Variants in CPED1 observed in about 807,000 individuals in gnomAD.
CPED1 encodes the protein cadherin-like and PC-esterase domain-containing protein 1.
In CPED1, 114 loss-of-function variants were observed where a neutral mutation model predicts 128.2. The observed-to-expected ratio is 0.89, with a 90% confidence interval of 0.76 to 1.04. The LOEUF (loss-of-function observed/expected upper bound fraction) is 1.04. CPED1 is among the 50% of genes least tolerant of loss of function. The pLI is 0.00. For synonymous variants in CPED1, 462 were observed against 426.7 expected, an observed-to-expected ratio of 1.08 and a Z score of -1.02; for missense variants, 1,211 against 1,207.1, an observed-to-expected ratio of 1.00 and a Z score of -0.05.
intron 16 of CPED1, among the ~76,000 whole-genome samples, chr7:121,228,386 A>G (rs1798063636): frequency 6.6e-6 from 1 of 152,030 alleles, no homozygotes; most frequent in Non-Finnish European, 1.5e-5. Context: ...ACATGAAAAA[A>G]TGCTCGATAT....
intron 4 of CPED1, among the ~76,000 whole-genome samples, chr7:121,053,414 AGGTTATGAAACT>A (rs1266091375): frequency 6.6e-6 from 1 of 152,128 alleles, no homozygotes; most frequent in African/African-American, 2.4e-5. Flanking sequence ...TTTCTTCATA[AGGTTATGAAACT>A]TTGGCAAGAA....
Position 121,141,971 on chromosome 7 carries a change from A to T in CPED1, c.1887-2A>T. 6.2e-7 allele frequency: 1 copy of T among 1,611,196 alleles called. No homozygotes were observed. Among genetic ancestry groups the T allele is most frequent in the Non-Finnish European group, 8.5e-7 (1 of 1,178,024 alleles). ...TATTTCTCTCTCCCTCTTTCTCTCC[A>T]GCTTTGCCAGCTACCCTCTGGGCTT... On this transcript the variant is annotated splice_acceptor_variant, in intron 15 of 22. Transcript: ENST00000310396. LOFTEE classifies it high-confidence loss of function.
intron 7 of CPED1, among the ~76,000 whole-genome samples, chr7:121,123,798 T>A (rs1795441889): frequency 6.6e-6 from 1 of 152,210 alleles, no homozygotes; most frequent in African/African-American, 2.4e-5. Flanking sequence ...CACAGAATAA[T>A]GGCATGAGGA....
chr7:121,204,622 A>G (rs1797475353), intron 16 of CPED1, among the ~76,000 whole-genome samples: 1 of 152,168 alleles, frequency 6.6e-6, no homozygotes, highest in Non-Finnish European at 1.5e-5. Flanking sequence ...AGGACTGGTC[A>G]GTAGCCCCAA....
intron 16 of CPED1, among the ~76,000 whole-genome samples, chr7:121,145,208 T>C (rs1795997065): frequency 6.6e-6 from 1 of 151,992 alleles, no homozygotes; most frequent in South Asian, 2.1e-4. Flanking sequence ...AAAAGATTGG[T>C]GGGAAAGTTA....
At position 121,019,255 on chromosome 7, in the gene CPED1, A is replaced by G. The variant is rs557159200; in HGVS notation, c.433+3407A>G. On this transcript the variant is annotated intron_variant, in intron 3 of 22. Transcript: ENST00000310396. Reference sequence around the variant, plus strand: ...GGAGAGATTTTAGGGCTATGAACATATGACTTACGCAAGTTAAGTTCTCTG... The same window carrying G: ...GGAGAGATTTTAGGGCTATGAACATGTGACTTACGCAAGTTAAGTTCTCTG... Among the ~76,000 whole-genome samples, 3 of 152,182 alleles carry G rather than the reference A, an allele frequency of 2.0e-5. No homozygotes were observed. The East Asian group carries it at 5.8e-4, about 29-fold the overall frequency.
At chr7:121,061,026 C>G (rs1793655048) in intron 4 of CPED1, 1 of 152,150 alleles carries the variant, frequency 6.6e-6, no homozygotes, top group African/African-American at 2.4e-5. Flanking sequence ...CACTCCTGAG[C>G]CAGCGAGACC....
intron 16 of CPED1, among the ~76,000 whole-genome samples, chr7:121,180,807 A>C (rs1442821741): frequency 1.3e-5 from 2 of 152,006 alleles, no homozygotes; most frequent in African/African-American, 4.8e-5. Context: ...GTAGCCTGAG[A>C]CATGGAAGGT....
intron 21 of CPED1, among the ~76,000 whole-genome samples, chr7:121,270,086 C>T (rs895080007): frequency 2.6e-5 from 4 of 151,998 alleles, no homozygotes; most frequent in East Asian, 1.9e-4. Flanking sequence ...GGCACAGAGC[C>T]GTTCATGAAA....
At chr7:121,154,238 G>A (rs189866072) in intron 16 of CPED1, among the ~76,000 whole-genome samples, 33 of 152,232 alleles carry the variant, frequency 2.2e-4, no homozygotes, top group South Asian at 1.5e-3. Context: ...AGTAAATTGC[G>A]CATCACAGTA....
intron 22 of CPED1, among the ~76,000 whole-genome samples, chr7:121,279,414 T>C (rs1792402302): frequency 6.6e-6 from 1 of 151,622 alleles, no homozygotes; most frequent in Admixed American, 6.6e-5. Flanking sequence ...CCAAGAAAAA[T>C]ACTTTAAAGA....
At chr7:121,019,439 C>T (rs1034177607) in intron 3 of CPED1, among the ~76,000 whole-genome samples, 1 of 151,938 alleles carries the variant, frequency 6.6e-6, no homozygotes, top group East Asian at 1.9e-4. Context: ...CCAGAGAAAG[C>T]GACCCAGGAT....
At chr7:121,294,142 TTA>T (rs1792771955) in intron 22 of CPED1, among the ~76,000 whole-genome samples, 1 of 152,134 alleles carries the variant, frequency 6.6e-6, no homozygotes, top group Admixed American at 6.5e-5. Context: ...AAGCTGATAA[TTA>T]TATGATTTCA....
chr7:121,145,310 G>A (rs28562415), intron 16 of CPED1, among the ~76,000 whole-genome samples: 31,060 of 151,850 alleles, frequency 0.2, 3,828 homozygotes, highest in African/African-American at 0.34. Context: ...AATAGATTAC[G>A]TCAGGAAAAT....
chr7:121,204,216 A>G (rs529762246), intron 16 of CPED1, among the ~76,000 whole-genome samples: 4 of 152,226 alleles, frequency 2.6e-5, no homozygotes, highest in South Asian at 2.1e-4. Context: ...AAAAAAAATT[A>G]TATCCTTTCC....
intron 6 of CPED1, 89 bp from the exon 7 acceptor site, chr7:121,099,836 GA>G: frequency 7.4e-7 from 1 of 1,358,036 alleles, no homozygotes; most frequent in East Asian, 2.3e-5. Flanking sequence ...ACAAAGGATA[GA>G]AGCAGTTTAC....
chr7:120,995,196 G>A (rs41693), intron 2 of CPED1, among the ~76,000 whole-genome samples: 1 of 151,630 alleles, frequency 6.6e-6, no homozygotes, highest in Non-Finnish European at 1.5e-5. Context: ...TACCTCTCCC[G>A]ATTCCTTATC....
intron 3 of CPED1, among the ~76,000 whole-genome samples, chr7:121,037,431 T>C (rs1465478626): frequency 6.6e-6 from 1 of 152,098 alleles, no homozygotes; most frequent in South Asian, 2.1e-4. Flanking sequence ...TTTGCTTTTT[T>C]GAAGATCAGT....
At chr7:121,049,297 A>G (rs985006036) in intron 4 of CPED1, among the ~76,000 whole-genome samples, 1 of 152,224 alleles carries the variant, frequency 6.6e-6, no homozygotes, top group African/African-American at 2.4e-5. Context: ...AAGGAAGGGC[A>G]TAGCTAGAAT....
Sources: allele counts gnomAD v4.1 joint callset (sites outside exome capture counted in the v4.1 genomes callset), GRCh38; gene constraint gnomAD v4.1.1; transcripts MANE v1.5; gene names NCBI Gene and HGNC (gene_info 2026-07-23, HGNC 2026-07-21).